Variants in SEC14L1 observed in about 807,000 individuals in gnomAD.
The protein encoded by SEC14L1 is SEC14-like protein 1.
A neutral mutation model predicts 85.3 loss-of-function variants in SEC14L1; 48 were observed. That is an observed-to-expected ratio of 0.56 (90% CI 0.45 to 0.72). SEC14L1 has a LOEUF of 0.72. Ranked by LOEUF, SEC14L1 falls within the 30% of genes least tolerant of loss-of-function variation. The pLI, the probability that SEC14L1 is intolerant of heterozygous loss-of-function variation, is 0.00. For missense variants in SEC14L1, 682 were observed against 921.4 expected (o/e 0.74, Z 3.36); for synonymous variants, 391 against 355.5 (o/e 1.10, Z -1.12).
chr17:77,108,332 G>A (rs1971967011), intron 3 of SEC14L1, among the ~76,000 whole-genome samples: 1 of 152,174 alleles, frequency 6.6e-6, no homozygotes, highest in South Asian at 2.1e-4. Flanking sequence ...ACAGACCTGG[G>A]TCCAGTGTGT....
chr17:77,130,682 T>C (rs1972586493), intron 3 of SEC14L1, among the ~76,000 whole-genome samples: 1 of 151,792 alleles, frequency 6.6e-6, no homozygotes, highest in South Asian at 2.1e-4. Flanking sequence ...TACAGTAGCA[T>C]GATCACGGCT....
At chr17:77,204,050 C>T (rs1036581836) in intron 10 of SEC14L1, among the ~76,000 whole-genome samples, 1 of 152,142 alleles carries the variant, frequency 6.6e-6, no homozygotes, top group African/African-American at 2.4e-5. Context: ...TGCCTGCTGA[C>T]CCATCATCTC....
chr17:77,129,641 A>G (rs1473616525), intron 3 of SEC14L1, among the ~76,000 whole-genome samples: 1 of 152,096 alleles, frequency 6.6e-6, no homozygotes, highest in Non-Finnish European at 1.5e-5. Flanking sequence ...CTGGCCTCTG[A>G]TGACCCCTGT....
chr17:77,211,138 T>C (rs1466204109), intron 14 of SEC14L1: 1 of 152,266 alleles, frequency 6.6e-6, no homozygotes, highest in Non-Finnish European at 1.5e-5. Context: ...GAGGTGGCAG[T>C]GGTGGGATTA....
chr17:77,216,583 T>G lies in SEC14L1; in HGVS notation c.*2560T>G, dbSNP rs1177884671. 2 of 1,613,392 alleles carry G rather than the reference T, an allele frequency of 1.2e-6. No individual in the cohort carries two copies. The highest frequency in any genetic ancestry group is 1.7e-6 in the Non-Finnish European group (2 of 1,179,480). ...TTGCTGACAGCTGCCAAGAAAATGC[T>G]TCACTCAACAGTCCTCATGTGCCCA... On this transcript the variant is annotated 3_prime_UTR_variant, in exon 17 of 17. Transcript: ENST00000436233.
At position 77,215,238 on chromosome 17, in the gene SEC14L1, C is replaced by T. The variant is rs897846301; in HGVS notation, c.*1215C>T. On this transcript the variant is annotated 3_prime_UTR_variant, in exon 17 of 17. Coordinates refer to ENST00000436233, the MANE Select transcript of SEC14L1 (RefSeq NM_001143998.2). Reference sequence around the variant, plus strand: ...GTTTAATTCCTGATTTTAAAGCCTGCTCTATCTGGTACAGGCCCTTATTTT... The same window carrying T: ...GTTTAATTCCTGATTTTAAAGCCTGTTCTATCTGGTACAGGCCCTTATTTT... The T allele has an allele frequency of 4.1e-6, 4 of 985,306 alleles. No homozygotes were observed. The highest frequency in any genetic ancestry group is 1.7e-5 in the African/African-American group (1 of 57,194). The allele number at this position is 985,306 out of a possible 1,614,324, so 61.0% of individuals were successfully genotyped here. A position where few individuals can be genotyped will look rare whatever the true frequency, so the allele number is the denominator to read the frequency against.
At chr17:77,104,505 T>A (rs1174994979) in intron 3 of SEC14L1, among the ~76,000 whole-genome samples, 1 of 150,278 alleles carries the variant, frequency 6.7e-6, no homozygotes, top group Non-Finnish European at 1.5e-5. Flanking sequence ...AAAGTTTATG[T>A]TTTTGGCCTG....
chr17:77,153,055 T>A (rs1973637180), intron 3 of SEC14L1, among the ~76,000 whole-genome samples: 1 of 152,068 alleles, frequency 6.6e-6, no homozygotes, highest in Middle Eastern at 3.2e-3. Context: ...CTTTAGCAGT[T>A]CTCTTTATTT....
intron 3 of SEC14L1, among the ~76,000 whole-genome samples, chr17:77,104,688 G>T (rs1971864732): frequency 6.6e-6 from 1 of 150,720 alleles, no homozygotes; most frequent in Admixed American, 6.6e-5. Context: ...CTACTCAGGA[G>T]GCTAAGGCAG....
At chr17:77,155,584 C>G (rs1337189430) in intron 3 of SEC14L1, among the ~76,000 whole-genome samples, 1 of 152,146 alleles carries the variant, frequency 6.6e-6, no homozygotes, top group African/African-American at 2.4e-5. Flanking sequence ...CCAGACCACT[C>G]CTCCTTACAA....
chr17:77,205,493 C>T (rs1023608708), intron 11 of SEC14L1, 147 bp downstream of exon 11: 6 of 736,088 alleles, frequency 8.2e-6, no homozygotes, highest in Non-Finnish European at 1.4e-5. Flanking sequence ...ATGCCAGTGA[C>T]GAGGGACAGA....
In SEC14L1 at chr17:77,213,352, G is replaced by T. The variant is rs1301832521; in HGVS notation, c.1902G>T (p.Leu634=). The T allele has an allele frequency of 1.9e-6, 3 of 1,613,046 alleles. No individual in the cohort carries two copies. Among genetic ancestry groups the T allele is most frequent in the Non-Finnish European group, 2.5e-6 (3 of 1,179,824 alleles). ...CCAGGTGGCCGGGCTTCTACATCCT[G>T]CAGTGGAAATTCCACAGCATGCCTG... ...HVTRWPGFYI[L]QWKFHSMPAC... Residue 634 remains leucine (L), a synonymous_variant, in exon 16 of 17, where the codon CTG becomes CTT. Transcript: ENST00000436233. This position sits in a 1 kb window ranked among gnomAD's most constrained non-coding sequence, Gnocchi z 7.1.
intron 9 of SEC14L1, among the ~76,000 whole-genome samples, chr17:77,202,824 G>A (rs952683943): frequency 1.3e-5 from 2 of 151,782 alleles, no homozygotes; most frequent in Admixed American, 6.6e-5. Flanking sequence ...GGAGGCTGAG[G>A]CAGGAGAATT....
intron 3 of SEC14L1, among the ~76,000 whole-genome samples, chr17:77,150,049 C>T (rs1598302259): frequency 6.6e-6 from 1 of 152,140 alleles, no homozygotes; most frequent in East Asian, 1.9e-4. Flanking sequence ...AGGCAGTGCT[C>T]TCAGAGTAAC....
At chr17:77,136,917 T>C (rs1972816512), upstream of SEC14L1, among the ~76,000 whole-genome samples, 1 of 151,896 alleles carries the variant, frequency 6.6e-6, no homozygotes, top group African/African-American at 2.4e-5. Context: ...CTTTCTTTTT[T>C]TTTTTTTTTG....
chr17:77,206,152 C>A lies in SEC14L1; in HGVS notation c.1170-77C>A. ...GTATTTGGAAATAGCTATAAATGAC[C>A]AAAAAGGAAGAAAATAAGACACAGT... is the stretch of plus-strand genomic sequence containing the variant. On this transcript the variant is annotated intron_variant, in intron 11 of 16. Transcript: ENST00000436233. The surrounding 1 kb of genome is among the most constrained non-coding windows in gnomAD (Gnocchi z 4.3). 1.4e-6 allele frequency: 2 copies of A among 1,476,326 alleles called. No homozygotes were observed. Among genetic ancestry groups the A allele is most frequent in the Non-Finnish European group, 1.9e-6 (2 of 1,078,984 alleles). The allele number at this position is 1,476,326 out of a possible 1,614,324, so 91.5% of individuals were successfully genotyped here. A position where few individuals can be genotyped will look rare whatever the true frequency, so the allele number is the denominator to read the frequency against.
chr17:77,203,492 C>T, intron 9 of SEC14L1, 78 bp from the exon 10 acceptor site: 1 of 1,255,250 alleles, frequency 8.0e-7, no homozygotes, highest in South Asian at 1.3e-5. Context: ...ACACATATTC[C>T]TGTTAAGGGT....
chr17:77,182,644 T>G (rs192783332), intron 3 of SEC14L1, among the ~76,000 whole-genome samples: 1 of 152,322 alleles, frequency 6.6e-6, no homozygotes, highest in African/African-American at 2.4e-5. Context: ...CAGCCTTTCT[T>G]GACTGTGTGT....
intron 3 of SEC14L1, among the ~76,000 whole-genome samples, chr17:77,178,294 T>C (rs1386715840): frequency 3.9e-5 from 6 of 152,022 alleles, no homozygotes; most frequent in African/African-American, 1.4e-4. Context: ...TCAAACACAG[T>C]GTGGGTGTCA....
Sources: allele counts gnomAD v4.1 joint callset (sites outside exome capture counted in the v4.1 genomes callset), GRCh38; gene constraint gnomAD v4.1.1; non-coding constraint Gnocchi (gnomAD v3.1); transcripts MANE v1.5; gene names NCBI Gene and HGNC (gene_info 2026-07-23, HGNC 2026-07-21).